Variants in GALNT14 observed in about 807,000 individuals in gnomAD.
The protein encoded by GALNT14 is polypeptide N-acetylgalactosaminyltransferase 14.
GALNT14 carries 60 observed loss-of-function variants against 77.5 expected under a neutral mutation model. The observed-to-expected ratio is 0.77, with a 90% CI of 0.63 to 0.96. The LOEUF is 0.96. GALNT14 is among the 40% of genes least tolerant of loss of function. The pLI is 0.00. For synonymous variants in GALNT14, 280 were observed against 281.7 expected, an observed-to-expected ratio of 0.99 and a Z score of 0.06; for missense variants, 710 against 731.0, an observed-to-expected ratio of 0.97 and a Z score of 0.33.
At position 30,911,030 on chromosome 2, in the gene GALNT14, C is replaced by T. The variant is rs753339938; in HGVS notation, c.1530G>A (p.Glu510=). ...QQWTKTGSHI[E]HIASHLCLDT... ...CGAGGCAGAGGTGGGATGCTATGTG[C>T]TCGATGTGGGAACCAGTTTTGGTCC... The change falls in exon 15 of 15, where the codon GAG becomes GAA. Residue 510 remains glutamate (E), a synonymous_variant. Coordinates refer to ENST00000349752, the MANE Select transcript of GALNT14 (RefSeq NM_024572.4). The T allele has an allele frequency of 1.2e-6, 2 of 1,613,912 alleles. No individual in the cohort carries two copies. The highest frequency in any genetic ancestry group is 1.7e-6 in the Non-Finnish European group (2 of 1,179,976).
chr2:31,035,591 A>AGTGTG (rs1558512155), intron 1 of GALNT14, among the ~76,000 whole-genome samples: 14 of 88,258 alleles, frequency 1.6e-4, no homozygotes, highest in African/African-American at 6.3e-4. Context: ...GTGTGTATAC[A>AGTGTG]TATACATATA....
intron 1 of GALNT14, among the ~76,000 whole-genome samples, chr2:31,130,801 T>C (rs563032665): frequency 1.4e-5 from 2 of 148,048 alleles, no homozygotes; most frequent in African/African-American, 5.0e-5. Flanking sequence ...CACCTGTGTG[T>C]GTGCCTGTGT....
intron 13 of GALNT14, among the ~76,000 whole-genome samples, chr2:30,913,485 C>G (rs1193927409): frequency 2.0e-5 from 3 of 152,188 alleles, no homozygotes; most frequent in Non-Finnish European, 4.4e-5. Context: ...CTCTCGTTCT[C>G]CATCTTCCCT....
downstream of GALNT14, among the ~76,000 whole-genome samples, chr2:30,905,682 C>T (rs1664123134): frequency 6.6e-6 from 1 of 150,684 alleles, no homozygotes; most frequent in African/African-American, 2.4e-5. Flanking sequence ...CAAGGCAGGC[C>T]AACGTTCAGA....
intron 1 of GALNT14, among the ~76,000 whole-genome samples, chr2:31,071,701 C>T (rs1449631966): frequency 6.6e-6 from 1 of 152,240 alleles, no homozygotes; most frequent in Non-Finnish European, 1.5e-5. Flanking sequence ...GTCTGAGCCT[C>T]CCTTCCTCTG....
At chr2:31,088,796 T>C (rs1676586370) in intron 1 of GALNT14, among the ~76,000 whole-genome samples, 1 of 152,110 alleles carries the variant, frequency 6.6e-6, no homozygotes, top group African/African-American at 2.4e-5. Context: ...AGGATTTGGC[T>C]GCCTGAAAGG....
At chr2:30,927,225 A>G (rs779109457) in intron 11 of GALNT14, among the ~76,000 whole-genome samples, 25 of 151,986 alleles carry the variant, frequency 1.6e-4, no homozygotes, top group Admixed American at 6.6e-4. Context: ...AAGTAAACCA[A>G]CTCTCTAGAG....
chr2:31,036,988 TG>T (rs779321535), intron 1 of GALNT14, among the ~76,000 whole-genome samples: 2 of 152,202 alleles, frequency 1.3e-5, no homozygotes, highest in Non-Finnish European at 2.9e-5. Flanking sequence ...TTATCCTGTC[TG>T]GAGTCTGTTG....
At chr2:31,029,794 C>T (rs758940032) in intron 1 of GALNT14, among the ~76,000 whole-genome samples, 15 of 152,178 alleles carry the variant, frequency 9.9e-5, no homozygotes, top group Admixed American at 7.9e-4. Context: ...GAGAGAAAAG[C>T]GGCAACTTCT....
At chr2:30,946,145 C>A (rs1242737839) in intron 6 of GALNT14, among the ~76,000 whole-genome samples, 1 of 152,176 alleles carries the variant, frequency 6.6e-6, no homozygotes, top group African/African-American at 2.4e-5. Flanking sequence ...ATGATGGAGG[C>A]TGGCTGGAGA....
chr2:31,017,064 T>C (rs1671415110), intron 1 of GALNT14, among the ~76,000 whole-genome samples: 1 of 152,256 alleles, frequency 6.6e-6, no homozygotes, highest in African/African-American at 2.4e-5. Context: ...AAGCTAGCTA[T>C]GGCAGACTTC....
intron 1 of GALNT14, among the ~76,000 whole-genome samples, chr2:31,123,027 A>G (rs1286610325): frequency 6.6e-6 from 1 of 151,980 alleles, no homozygotes; most frequent in African/African-American, 2.4e-5. Context: ...TAAAAAATAC[A>G]AAAAATTAGC....
At chr2:31,028,995 T>C (rs1018959045) in intron 1 of GALNT14, among the ~76,000 whole-genome samples, 2 of 152,116 alleles carry the variant, frequency 1.3e-5, no homozygotes, top group African/African-American at 4.8e-5. Flanking sequence ...TTATTAGCAG[T>C]TCTCAGGTGC....
chr2:31,084,870 C>A (rs1045736882), intron 1 of GALNT14, among the ~76,000 whole-genome samples: 6 of 151,986 alleles, frequency 3.9e-5, no homozygotes, highest in Non-Finnish European at 8.8e-5. Flanking sequence ...ACTAAAAATA[C>A]AAAAATTAAC....
intron 6 of GALNT14, among the ~76,000 whole-genome samples, chr2:30,955,376 G>C (rs1667299500): frequency 6.6e-6 from 1 of 152,210 alleles, no homozygotes; most frequent in African/African-American, 2.4e-5. Context: ...CCCAAGTGCA[G>C]GCCTGCTATG....
At chr2:30,929,289 G>T in intron 11 of GALNT14, 106 bp downstream of exon 11, 1 of 758,496 alleles carries the variant, frequency 1.3e-6, no homozygotes, top group Non-Finnish European at 2.2e-6. Context: ...CCCTGCGGGA[G>T]CTGAGGGTAG....
chr2:30,897,786 C>T, the GALNT14 span, among the ~76,000 whole-genome samples: 8 of 152,300 alleles, frequency 5.3e-5, no homozygotes, highest in South Asian at 2.1e-4. Flanking sequence ...AACTAAAGGG[C>T]GCAAACCAGC....
intron 1 of GALNT14, among the ~76,000 whole-genome samples, chr2:31,098,964 G>A (rs1446782748): frequency 6.6e-6 from 1 of 152,068 alleles, no homozygotes; most frequent in Non-Finnish European, 1.5e-5. Context: ...AGGAGGAAGA[G>A]GAGGGGTTGG....
chr2:31,071,831 C>T (rs973191996), intron 1 of GALNT14, among the ~76,000 whole-genome samples: 1 of 152,188 alleles, frequency 6.6e-6, no homozygotes, highest in African/African-American at 2.4e-5. Context: ...AATGAAAATG[C>T]AGGATTCTTG....
Sources: allele counts gnomAD v4.1 joint callset (sites outside exome capture counted in the v4.1 genomes callset), GRCh38; gene constraint gnomAD v4.1.1; transcripts MANE v1.5; gene names NCBI Gene and HGNC (gene_info 2026-07-23, HGNC 2026-07-21).